The following TPH1 variants were observed in gnomAD, a reference collection of about 807,000 sequenced individuals.
TPH1 encodes the protein tryptophan hydroxylase 1, also known as tryptophan 5-hydroxylase 1.
A neutral mutation model predicts 49.5 loss-of-function variants in TPH1; 37 were observed. That is an observed-to-expected ratio of 0.75 (90% CI 0.58 to 0.98). TPH1 has a LOEUF of 0.98. TPH1 is among the 50% of genes least tolerant of loss of function. The pLI is 0.00. For missense variants in TPH1, 487 were observed against 523.6 expected (o/e 0.93, Z 0.68); for synonymous variants, 160 against 182.1 (o/e 0.88, Z 0.98).
chr11:18,042,420 C>T (rs569101631), intron 1 of TPH1: 13 of 446,404 alleles, frequency 2.9e-5, no homozygotes, highest in East Asian at 2.8e-4. Context: ...GTATGGGCGA[C>T]GTTGTCCTAA....
At position 18,029,552 on chromosome 11, in the gene TPH1, G is replaced by A. The variant is rs377228750; in HGVS notation, c.430C>T (p.Arg144Cys). 3.2e-5 allele frequency: 51 copies of A among 1,612,800 alleles called. No individual in the cohort carries two copies. The Middle Eastern group carries it at 4.9e-4, about 16-fold the overall frequency. The change falls in exon 5 of 11, where the codon CGT (arginine) becomes TGT (cysteine). Residue 144 changes from arginine (R) to cysteine (C), a missense_variant. Arg to Cys is a radical substitution (Grantham distance 180). Transcript: ENST00000682019. ...GCCAAGTCCGCAAAATACTTTCGAC[G>A]TTTACGGTAGACATTGTCTTTGAAG... ...PGFKDNVYRKRRKYFADLAMN... is the reference protein window; with the variant it reads ...PGFKDNVYRKCRKYFADLAMN...
In TPH1 at chr11:18,025,523, A is replaced by G. The variant is rs184412340; in HGVS notation, c.930+52T>C. 2.5e-5 allele frequency: 40 copies of G among 1,611,508 alleles called. No individual in the cohort carries two copies. In the East Asian group the frequency reaches 7.1e-4, roughly 29 times the overall value. ...GAATATGTACTTTTAAACTACACAG[A>G]TACTCATACACCCTACCCCAGGTGA... On this transcript the variant is annotated intron_variant, in intron 8 of 10. Coordinates refer to ENST00000682019, the MANE Select transcript of TPH1 (RefSeq NM_004179.3).
chr11:18,038,723 A>T (rs1322970747), intron 2 of TPH1, among the ~76,000 whole-genome samples: 4 of 152,208 alleles, frequency 2.6e-5, no homozygotes, highest in Non-Finnish European at 4.4e-5. Flanking sequence ...CTACTTTTTT[A>T]AAAATATGTT....
chr11:18,025,161 G>A (rs1388216388), intron 8 of TPH1, among the ~76,000 whole-genome samples: 2 of 152,044 alleles, frequency 1.3e-5, no homozygotes, highest in East Asian at 3.8e-4. Flanking sequence ...ATAATTTTAA[G>A]GAAACCTATC....
chr11:18,042,898 A>G (rs1848110874), intron 1 of TPH1, among the ~76,000 whole-genome samples: 1 of 152,208 alleles, frequency 6.6e-6, no homozygotes, highest in African/African-American at 2.4e-5. Flanking sequence ...AAATGTCAGT[A>G]TTGTTTTGTA....
At chr11:18,023,027 T>C in intron 9 of TPH1, 96 bp from the exon 10 acceptor site, 1 of 1,307,714 alleles carries the variant, frequency 7.6e-7, no homozygotes, top group Non-Finnish European at 1.1e-6. Context: ...ATATTACTAA[T>C]GCAATGGCCC....
intron 1 of TPH1, 97 bp from the exon 2 acceptor site, chr11:18,040,885 G>T (rs1848093795): frequency 8.5e-7 from 1 of 1,178,496 alleles, no homozygotes; most frequent in African/African-American, 1.5e-5. Flanking sequence ...AGGAGCTTCA[G>T]TTTCTTAACC....
intron 6 of TPH1, among the ~76,000 whole-genome samples, chr11:18,027,516 T>C (rs1056227494): frequency 1.3e-5 from 2 of 152,250 alleles, no homozygotes; most frequent in Non-Finnish European, 2.9e-5. Flanking sequence ...ACCAAATGTT[T>C]CTAGTGTCTA....
At position 18,029,536 on chromosome 11, in the gene TPH1, G is replaced by A. The variant is rs374147424; in HGVS notation, c.446C>T (p.Ala149Val). ...CTGTTTATAGTTCATAGCCAAGTCC[G>A]CAAAATACTTTCGACGTTTACGGTA... ...NVYRKRRKYF[A>V]DLAMNYKHGD... Residue 149 changes from alanine to valine, a missense_variant, in exon 5 of 11, where the codon GCG becomes GTG. Physicochemically the swap from Ala to Val is moderately conservative, Grantham distance 64 (BLOSUM62 0). Transcript: ENST00000682019. The A allele has an allele frequency of 2.0e-5, 33 of 1,612,436 alleles. No individual in the cohort carries two copies. The highest frequency in any genetic ancestry group is 3.3e-5 in the South Asian group (3 of 90,836).
intron 3 of TPH1, among the ~76,000 whole-genome samples, chr11:18,035,646 C>G (rs1848040857): frequency 6.6e-6 from 1 of 152,044 alleles, no homozygotes; most frequent in Non-Finnish European, 1.5e-5. Flanking sequence ...CCAGGATGGT[C>G]CTGAACTCCT....
Position 18,035,035 on chromosome 11 carries a change from A to G in TPH1, c.301+924T>C, listed in dbSNP as rs543283602. 1.1e-4 allele frequency among the ~76,000 whole-genome samples: 17 copies of G among 152,332 alleles called. No individual in the cohort carries two copies. The South Asian group carries it at 3.3e-3, about 30-fold the overall frequency. On this transcript the variant is annotated intron_variant, in intron 3 of 10. Transcript: ENST00000682019. ...AGATCCCTCGCACTCGCAGTTCACA[A>G]TAGGGTTTACGCTCCTAGACGGAGC...
intron 1 of TPH1, among the ~76,000 whole-genome samples, chr11:18,044,113 GATGT>G (rs1281079606): frequency 6.6e-6 from 1 of 152,124 alleles, no homozygotes. Context: ...ATATTATTTT[GATGT>G]ATTTAAAGAC....
intron 1 of TPH1, among the ~76,000 whole-genome samples, chr11:18,042,705 T>C (rs1848109388): frequency 6.6e-6 from 1 of 152,168 alleles, no homozygotes; most frequent in African/African-American, 2.4e-5. Context: ...TTATCTCAAG[T>C]AATGGGGAAT....
At position 18,036,122 on chromosome 11, in the gene TPH1, T is replaced by C. The variant is rs1168515288; in HGVS notation, c.138A>G (p.Leu46=). Residue 46 remains leucine, a synonymous_variant, in exon 3 of 11, where the codon TTA becomes TTG. Transcript: ENST00000682019. ...TTTTTGATTTTCGGGACTCGATATGTAACAGATTCACATGCTTCTCCTGTG... is the reference window on the plus strand; with the variant it reads ...TTTTTGATTTTCGGGACTCGATATGCAACAGATTCACATGCTTCTCCTGTG... ...KIFQEKHVNL[L]HIESRKSKRR... The C allele has an allele frequency of 6.2e-7, 1 of 1,613,070 alleles. No homozygotes were observed. The highest frequency in any genetic ancestry group is 2.2e-5 in the East Asian group (1 of 44,822).
chr11:18,021,166 C>G lies in TPH1; in HGVS notation c.1161-1G>C, dbSNP rs1304394188. 2.5e-6 allele frequency: 4 copies of G among 1,612,984 alleles called. No individual in the cohort carries two copies. The Admixed American group carries it at 6.7e-5, about 27-fold the overall frequency. On this transcript the variant is annotated splice_acceptor_variant, in intron 10 of 10. Transcript: ENST00000682019. LOFTEE classifies it high-confidence loss of function. ...ACGCTTAATTGTTTTGGTAAATTCT[C>G]TATTTAAGAAAACAAATAGGAGACA... is the stretch of plus-strand genomic sequence containing the variant.
intron 10 of TPH1, among the ~76,000 whole-genome samples, chr11:18,022,342 C>A (rs551431872): frequency 1.9e-4 from 29 of 152,302 alleles, no homozygotes; most frequent in African/African-American, 6.7e-4. Flanking sequence ...CATGCTAACT[C>A]TCAGTCTAAA....
At position 18,031,196 on chromosome 11, in the gene TPH1, T is replaced by C. The variant is rs1847987709; in HGVS notation, c.403-1617A>G. Among the ~76,000 whole-genome samples, 7 of 152,230 alleles carry C rather than the reference T, an allele frequency of 4.6e-5. No homozygotes were observed. The South Asian group carries it at 1.4e-3, about 32-fold the overall frequency. ...TATGTATTTTTCTATTCTAGACATT[T>C]CATATAAAAGGAATCATACAATATG... On this transcript the variant is annotated intron_variant, in intron 4 of 10. Coordinates refer to ENST00000682019, the MANE Select transcript of TPH1 (RefSeq NM_004179.3).
intron 3 of TPH1, among the ~76,000 whole-genome samples, chr11:18,034,547 G>A (rs1250240644): frequency 5.3e-5 from 8 of 152,208 alleles, no homozygotes; most frequent in Non-Finnish European, 1.2e-4. Context: ...CAGGCATGGT[G>A]AGGAGCCCTC....
chr11:18,022,964 A>C, intron 9 of TPH1, 33 bp from the exon 10 acceptor site: 1 of 1,610,680 alleles, frequency 6.2e-7, no homozygotes, highest in Non-Finnish European at 8.5e-7. Flanking sequence ...ATCAAAGAAT[A>C]ATATCTATTT....
Sources: allele counts gnomAD v4.1 joint callset (sites outside exome capture counted in the v4.1 genomes callset), GRCh38; gene constraint gnomAD v4.1.1; transcripts MANE v1.5; gene names NCBI Gene and HGNC (gene_info 2026-07-23, HGNC 2026-07-21).